RBFOX1: variants seen among roughly 807,000 people sequenced by gnomAD.
RBFOX1 encodes RNA binding fox-1 homolog 1, also known as RNA binding protein fox-1 homolog 1.
Under a neutral mutation model 57.7 loss-of-function variants are expected in RBFOX1, and 8 were observed. That is an observed-to-expected ratio of 0.14 (90% confidence interval 0.08 to 0.25). RBFOX1 has a LOEUF of 0.25. Among genes scored for constraint, RBFOX1 ranks in the 10% least tolerant of loss-of-function variants. RBFOX1 has a pLI of 1.00. For synonymous variants in RBFOX1, 326 were observed against 222.4 expected (o/e 1.47, Z -4.15); for missense variants, 611 against 548.5 (o/e 1.11, Z -1.14).
chr16:6,533,548 A>T (rs2096690772), intron 2 of RBFOX1, among the ~76,000 whole-genome samples: 1 of 152,128 alleles, frequency 6.6e-6, no homozygotes, highest in Non-Finnish European at 1.5e-5. Flanking sequence ...TAGCCCCTTA[A>T]GACCCAAGAC....
At chr16:7,290,817 C>T (rs184034235) in intron 4 of RBFOX1, among the ~76,000 whole-genome samples, 1 of 152,288 alleles carries the variant, frequency 6.6e-6, no homozygotes, top group East Asian at 1.9e-4. Context: ...TGTTTAGAAG[C>T]AGACAGCTTA....
chr16:7,489,200 G>C (rs559075939), intron 4 of RBFOX1, among the ~76,000 whole-genome samples: 1 of 152,184 alleles, frequency 6.6e-6, no homozygotes, highest in South Asian at 2.1e-4. Context: ...TGCCCTATTA[G>C]GTAATTTTAG....
chr16:6,855,081 C>T (rs547286777), intron 3 of RBFOX1, among the ~76,000 whole-genome samples: 67 of 152,000 alleles, frequency 4.4e-4, no homozygotes, highest in Non-Finnish European at 7.6e-4. Context: ...AGTGATGATC[C>T]CAACAGAAGA....
intron 1 of RBFOX1, among the ~76,000 whole-genome samples, chr16:5,329,042 A>G (rs1371813579): frequency 6.6e-6 from 1 of 152,214 alleles, no homozygotes; most frequent in Non-Finnish European, 1.5e-5. Context: ...GTAGCCAGGC[A>G]CCATGCTGAA....
chr16:5,966,675 C>G (rs577236643), intron 4 of RBFOX1, among the ~76,000 whole-genome samples: 8 of 152,106 alleles, frequency 5.3e-5, no homozygotes, highest in Non-Finnish European at 1.2e-4. Context: ...CGCCCAAAAT[C>G]TTTTGACAAC....
At chr16:5,932,197 T>G (rs1479855249) in intron 4 of RBFOX1, among the ~76,000 whole-genome samples, 1 of 152,146 alleles carries the variant, frequency 6.6e-6, no homozygotes, top group Non-Finnish European at 1.5e-5. Flanking sequence ...AATTTTCTGC[T>G]GTTGGTCAAA....
intron 3 of RBFOX1, among the ~76,000 whole-genome samples, chr16:6,963,806 C>A (rs1395306093): frequency 6.7e-6 from 1 of 150,044 alleles, no homozygotes; most frequent in Non-Finnish European, 1.5e-5. Flanking sequence ...TCATGCCATT[C>A]TCCTGCCTCA....
intron 2 of RBFOX1, among the ~76,000 whole-genome samples, chr16:6,334,715 C>G (rs897490527): frequency 1.3e-5 from 2 of 152,042 alleles, no homozygotes; most frequent in Non-Finnish European, 2.9e-5. Context: ...GCAGAGGATC[C>G]CTGTAGTTCT....
intron 2 of RBFOX1, among the ~76,000 whole-genome samples, chr16:6,553,836 A>G (rs2097040917): frequency 6.6e-6 from 1 of 152,188 alleles, no homozygotes. Flanking sequence ...GATGGTGCCA[A>G]ATCTCATCAT....
intron 3 of RBFOX1, among the ~76,000 whole-genome samples, chr16:6,815,638 C>G (rs778581665): frequency 1.3e-5 from 2 of 152,152 alleles, no homozygotes; most frequent in South Asian, 2.1e-4. Context: ...GTGACTTTCT[C>G]AAGGCTACCT....
intron 5 of RBFOX1, among the ~76,000 whole-genome samples, chr16:7,534,737 T>A (rs1247866542): frequency 6.6e-6 from 1 of 152,090 alleles, no homozygotes; most frequent in Non-Finnish European, 1.5e-5. Flanking sequence ...GATAGGAGAC[T>A]ATCCACTCGT....
intron 2 of RBFOX1, among the ~76,000 whole-genome samples, chr16:6,336,574 C>T (rs909858886): frequency 1.3e-5 from 2 of 152,086 alleles, no homozygotes; most frequent in East Asian, 3.9e-4. Context: ...GATGTTGATT[C>T]TAAAACTAGT....
At chr16:7,434,768 C>T (rs1321161361) in intron 4 of RBFOX1, among the ~76,000 whole-genome samples, 2 of 151,262 alleles carry the variant, frequency 1.3e-5, no homozygotes, top group East Asian at 1.9e-4. Flanking sequence ...GAGATTGAGC[C>T]TCGCTGGATC....
intron 2 of RBFOX1, among the ~76,000 whole-genome samples, chr16:6,502,197 T>C (rs1436067815): frequency 6.6e-6 from 1 of 152,202 alleles, no homozygotes; most frequent in African/African-American, 2.4e-5. Flanking sequence ...TTCTGTTATA[T>C]CTTTCTCATG....
chr16:6,239,317 C>A (rs2097527233), intron 1 of RBFOX1, among the ~76,000 whole-genome samples: 1 of 151,888 alleles, frequency 6.6e-6, no homozygotes, highest in Admixed American at 6.6e-5. Context: ...TATTTCTGGG[C>A]CCCACCGTGT....
chr16:6,778,124 G>T (rs1269302975), intron 3 of RBFOX1, among the ~76,000 whole-genome samples: 1 of 151,538 alleles, frequency 6.6e-6, no homozygotes, highest in African/African-American at 2.4e-5. Flanking sequence ...ATCTGGATGC[G>T]CAGTGCGATT....
At chr16:6,119,236 A>T (rs1349516797) in intron 1 of RBFOX1, among the ~76,000 whole-genome samples, 2 of 152,000 alleles carry the variant, frequency 1.3e-5, no homozygotes, top group East Asian at 1.9e-4. Context: ...ATTAATTATT[A>T]ATATTAATTT....
At chr16:6,982,906 A>G (rs949592427) in intron 3 of RBFOX1, among the ~76,000 whole-genome samples, 3 of 151,418 alleles carry the variant, frequency 2.0e-5, no homozygotes, top group Non-Finnish European at 4.4e-5. Flanking sequence ...GGCAGGGAGA[A>G]CAACTTGAAC....
chr16:7,177,786 G>T (rs544654885), intron 4 of RBFOX1, among the ~76,000 whole-genome samples: 6 of 152,166 alleles, frequency 3.9e-5, no homozygotes, highest in Non-Finnish European at 7.3e-5. Flanking sequence ...CTCTTCTGTT[G>T]TAGCACAAAA....
Sources: allele counts gnomAD v4.1 joint callset (sites outside exome capture counted in the v4.1 genomes callset), GRCh38; gene constraint gnomAD v4.1.1; transcripts MANE v1.5; gene names NCBI Gene and HGNC (gene_info 2026-07-23, HGNC 2026-07-21).